Variants in SGCA observed in about 807,000 individuals in gnomAD.
SGCA encodes sarcoglycan alpha, also known as alpha-sarcoglycan.
SGCA carries 34 observed loss-of-function variants against 38.1 expected under a neutral mutation model. That is an observed-to-expected ratio of 0.89 (90% CI 0.68 to 1.19). The LOEUF (loss-of-function observed/expected upper bound fraction) is 1.19, where lower values mean the gene tolerates loss of function less well. SGCA is among the 50% of genes most tolerant of loss of function. The pLI is 0.00. For missense variants in SGCA, 476 were observed against 524.9 expected, an observed-to-expected ratio of 0.91 and a Z score of 0.91; for synonymous variants, 209 against 214.6, an observed-to-expected ratio of 0.97 and a Z score of 0.23.
Position 50,167,855 on chromosome 17 carries a change from C to G in SGCA, c.313-92C>G. On this transcript the variant is annotated intron_variant, in intron 3 of 9. Transcript: ENST00000262018. The surrounding 1 kb of genome is among the most constrained non-coding windows in gnomAD (Gnocchi z 4.5). ...TCATTTACATATAATTTACATACCT[C>G]TAATTTGGTATCTGAGTCCTCTCCT... 2 of 1,527,776 alleles carry G rather than the reference C, an allele frequency of 1.3e-6. No individual in the cohort carries two copies. Among genetic ancestry groups the G allele is most frequent in the Non-Finnish European group, 1.8e-6 (2 of 1,101,526 alleles). The allele number at this position is 1,527,776 out of a possible 1,614,324, so 94.6% of individuals were successfully genotyped here. A position where few individuals can be genotyped will look rare whatever the true frequency, so the allele number is the denominator to read the frequency against.
rs763372958 is a variant in SGCA at position 50,175,327 on chromosome 17, G to T, written c.1054G>T (p.Glu352Ter). The change falls in exon 9 of 10, where the codon GAG becomes TAG. Residue 352 changes from glutamate to a stop codon, truncating the protein, a stop_gained. Transcript: ENST00000262018. LOFTEE classifies it high-confidence loss of function. ...GCTGCGGCAGATGGCGGCCAGCCGC[G>T]AGGTGCCCCGGCCACTCTCCACCCT... ...EELRQMAASR[E>*]VPRPLSTLPM... 1 of 1,609,960 alleles carries T rather than the reference G, an allele frequency of 6.2e-7. No homozygotes were observed. The highest frequency in any genetic ancestry group is 8.5e-7 in the Non-Finnish European group (1 of 1,178,966).
rs755619226 is a variant in SGCA at position 50,175,263 on chromosome 17, G to A, written c.990G>A (p.Gln330=). The A allele has an allele frequency of 6.2e-7, 1 of 1,604,058 alleles. No individual in the cohort carries two copies. The highest frequency in any genetic ancestry group is 8.5e-7 in the Non-Finnish European group (1 of 1,176,032). The part of the protein sequence containing the change: ...LKRDLATSDI[Q]MVHHCTIHGN... ...TCCCCACCTGTGCCTCCAGCATCCA[G>A]ATGGTCCACCACTGCACCATCCACG... The change falls in exon 9 of 10, where the codon CAG becomes CAA. Residue 330 remains glutamine (Q), a synonymous_variant. Coordinates refer to ENST00000262018, the MANE Select transcript of SGCA (RefSeq NM_000023.4).
At chr17:50,171,462 C>T in intron 8 of SGCA, 1 of 456,320 alleles carries the variant, frequency 2.2e-6, no homozygotes, top group Admixed American at 2.3e-5. Flanking sequence ...TCCCACTGCA[C>T]TGAGCCAATG....
intron 9 of SGCA, 120 bp downstream of exon 9, chr17:50,175,569 C>A: frequency 1.1e-6 from 1 of 892,424 alleles, no homozygotes; most frequent in Non-Finnish European, 1.8e-6. Flanking sequence ...ACTTGTCTGC[C>A]CCTCTGAGGC....
chr17:50,167,031 C>T lies in SGCA; in HGVS notation c.38-337C>T, dbSNP rs73334777. Among the ~76,000 whole-genome samples, 11,860 of 139,680 alleles carry T rather than the reference C, an allele frequency of 0.085. 1,075 individuals are homozygous for T. Among genetic ancestry groups the T allele is most frequent in the African/African-American group, 0.24 (8,976 of 37,916 alleles). The allele number at this position is 139,680 out of a possible 152,430, so 91.6% of individuals were successfully genotyped here. On this transcript the variant is annotated intron_variant, in intron 1 of 9. Coordinates refer to ENST00000262018, the MANE Select transcript of SGCA (RefSeq NM_000023.4). This position sits in a 1 kb window ranked among gnomAD's most constrained non-coding sequence, Gnocchi z 4.5. ...CTCACACATACCTTCACACACACAC[C>T]CCCCCACATCCCCTCACACACACAC... is the stretch of plus-strand genomic sequence containing the variant.
rs2144496738 is a variant in SGCA at position 50,168,468 on chromosome 17, C to T, written c.480C>T (p.Ala160=). The T allele has an allele frequency of 6.3e-7, 1 of 1,583,696 alleles. No homozygotes were observed. The highest frequency in any genetic ancestry group is 8.6e-7 in the Non-Finnish European group (1 of 1,164,614). ...PSTPASRFLS[A]LGGLWEPGEL... is the part of the protein sequence containing the mutation. ...CACCTGCCAGCCGCTTCCTCTCAGCCTTGGGGGGACTCTGGGAGCCCGGAG... is the reference window on the plus strand; with the variant it reads ...CACCTGCCAGCCGCTTCCTCTCAGCTTTGGGGGGACTCTGGGAGCCCGGAG... Residue 160 remains alanine, a synonymous_variant, in exon 5 of 10, where the codon GCC becomes GCT. Transcript: ENST00000262018.
At position 50,171,560 on chromosome 17, in the gene SGCA, G is replaced by A. The variant is rs927209618; in HGVS notation, c.983+894G>A. 8.8e-5 allele frequency: 40 copies of A among 456,660 alleles called. No individual in the cohort carries two copies. The Middle Eastern group carries it at 9.7e-4, about 11-fold the overall frequency. The allele number at this position is 456,660 out of a possible 1,614,324, so 28.3% of individuals were successfully genotyped here. A position where few individuals can be genotyped will look rare whatever the true frequency, so the allele number is the denominator to read the frequency against. The stretch of plus-strand genomic sequence containing the variant: ...ACCCTTCGAACCCCCTTGATAAGCC[G>A]CTTGTGCCCCTGTTTGGAGCCCAGT... On this transcript the variant is annotated intron_variant, in intron 8 of 9. Coordinates refer to ENST00000262018, the MANE Select transcript of SGCA (RefSeq NM_000023.4).
chr17:50,169,269 TG>T lies in SGCA; in HGVS notation c.747+18del. 6.2e-7 allele frequency: 1 copy of T among 1,603,544 alleles called. No individual in the cohort carries two copies. ...ATGTGACCCTGGTGAGGAGGGACCC[TG>T]GGTCCGGGGGTGGGGTGGGGCATGG... is the stretch of plus-strand genomic sequence containing the variant. On this transcript the variant is annotated intron_variant, in intron 6 of 9. Coordinates refer to ENST00000262018, the MANE Select transcript of SGCA (RefSeq NM_000023.4).
At chr17:50,172,232 C>T (rs1329408706) in intron 8 of SGCA, 1 of 457,076 alleles carries the variant, frequency 2.2e-6, no homozygotes, top group East Asian at 7.0e-5. Context: ...CCTCCACAGA[C>T]TTGTGCTCTT....
chr17:50,171,726 A>G (rs1471036259), intron 8 of SGCA: 1 of 456,726 alleles, frequency 2.2e-6, no homozygotes, highest in African/African-American at 2.0e-5. Flanking sequence ...TCACCTGCTG[A>G]GCCCTTGTCC....
In SGCA at chr17:50,167,019, T is replaced by TCA. The variant is rs1353252682; in HGVS notation, c.38-339_38-338dup. Among the ~76,000 whole-genome samples, 1 of 101,068 alleles carries TCA rather than the reference T, an allele frequency of 9.9e-6. No homozygotes were observed. The highest frequency in any genetic ancestry group is 2.0e-5 in the Non-Finnish European group (1 of 50,070). 66.3% of individuals were successfully genotyped at this position (101,068 alleles called of 152,430 possible). The stretch of plus-strand genomic sequence containing the variant: ...TCCTCACAGACCCTCACACATACCT[T>TCA]CACACACACACCCCCCCACATCCCC... On this transcript the variant is annotated intron_variant, in intron 1 of 9. Coordinates refer to ENST00000262018, the MANE Select transcript of SGCA (RefSeq NM_000023.4). The surrounding 1 kb of genome is among the most constrained non-coding windows in gnomAD (Gnocchi z 4.5).
At position 50,170,734 on chromosome 17, in the gene SGCA, C is replaced by G. The variant is rs1302425409; in HGVS notation, c.983+68C>G. ...ACAGTTGTTGGACCCCGCCACCAAA[C>G]TATGCCATGAACAGCAGAGACAAAA... is the stretch of plus-strand genomic sequence containing the variant. On this transcript the variant is annotated intron_variant, in intron 8 of 9. Transcript: ENST00000262018. The G allele has an allele frequency of 5.4e-6, 7 of 1,288,244 alleles. No individual in the cohort carries two copies. In the Admixed American group the frequency reaches 1.4e-4, roughly 25 times the overall value. 79.8% of individuals were successfully genotyped at this position (1,288,244 alleles called of 1,614,324 possible).
intron 8 of SGCA, among the ~76,000 whole-genome samples, chr17:50,174,642 C>T (rs1023437925): frequency 1.3e-5 from 2 of 151,950 alleles, no homozygotes; most frequent in Non-Finnish European, 2.9e-5. Flanking sequence ...CCACTGCGCC[C>T]GGCCTGGTGG....
At chr17:50,169,420 C>CACACACACAG in intron 6 of SGCA, 166 bp downstream of exon 6, 1 of 579,236 alleles carries the variant, frequency 1.7e-6, no homozygotes, top group Non-Finnish European at 3.1e-6. Context: ...AGGATACACA[C>CACACACACAG]ACACACACAC....
rs1293635722 is a variant in SGCA at position 50,175,916 on chromosome 17, A to G, written c.*217A>G. 2.5e-5 allele frequency: 11 copies of G among 447,806 alleles called. No individual in the cohort carries two copies. The highest frequency in any genetic ancestry group is 4.7e-5 in the Admixed American group (2 of 42,300). The allele number at this position is 447,806 out of a possible 1,614,324, so 27.7% of individuals were successfully genotyped here. A position where few individuals can be genotyped will look rare whatever the true frequency, so the allele number is the denominator to read the frequency against. On this transcript the variant is annotated 3_prime_UTR_variant, in exon 10 of 10. Transcript: ENST00000262018. Reference sequence around the variant, plus strand: ...GCTCTGCTCACCAATTGCTGCTGGCAGCCTCTCCCGTCCTCACTGGCTCTG... The same window carrying G: ...GCTCTGCTCACCAATTGCTGCTGGCGGCCTCTCCCGTCCTCACTGGCTCTG...
chr17:50,169,749 G>A, intron 6 of SGCA: 1 of 380,002 alleles, frequency 2.6e-6, no homozygotes, highest in Non-Finnish European at 5.0e-6. Context: ...GGTGTACACT[G>A]TTCCTGTGAA....
chr17:50,173,898 C>A (rs796819485), intron 8 of SGCA, among the ~76,000 whole-genome samples: 2 of 152,210 alleles, frequency 1.3e-5, no homozygotes, highest in African/African-American at 4.8e-5. Flanking sequence ...AGGCTCTAAC[C>A]GGAGTCTGTG....
chr17:50,166,086 G>T lies in SGCA; in HGVS notation c.37+9G>T, dbSNP rs2144488503. The T allele has an allele frequency of 6.8e-6, 11 of 1,612,664 alleles. No homozygotes were observed. Among genetic ancestry groups the T allele is most frequent in the African/African-American group, 6.7e-5 (5 of 75,026 alleles). ...GACTCCTCTCCTCGTGGGCAAGTTG[G>T]GGCCTTGTTCAGCGGGGAGGCCCAG... is the stretch of plus-strand genomic sequence containing the variant. On this transcript the variant is annotated intron_variant, in intron 1 of 9. Transcript: ENST00000262018.
At position 50,170,265 on chromosome 17, in the gene SGCA, TCTGGTCACCCTC is replaced by T. The variant is rs1555569303; in HGVS notation, c.876_887del (p.Thr293_Val296del). The T allele has an allele frequency of 1.2e-6, 2 of 1,614,142 alleles. No individual in the cohort carries two copies. The highest frequency in any genetic ancestry group is 1.7e-6 in the Non-Finnish European group (2 of 1,180,006). ...CAGACCGTGACTTCTTGGTGGATGC[TCTGGTCACCCTC>T]CTGGTGCCCCTGCTGGTGGCCCTGC... On this transcript the variant is annotated inframe_deletion, in exon 7 of 10. Coordinates refer to ENST00000262018, the MANE Select transcript of SGCA (RefSeq NM_000023.4).
Sources: allele counts gnomAD v4.1 joint callset (sites outside exome capture counted in the v4.1 genomes callset), GRCh38; gene constraint gnomAD v4.1.1; non-coding constraint Gnocchi (gnomAD v3.1); transcripts MANE v1.5; gene names NCBI Gene and HGNC (gene_info 2026-07-23, HGNC 2026-07-21).